NLRP11: variants seen among roughly 807,000 people sequenced by gnomAD.
NLRP11 encodes NLR family pyrin domain containing 11.
Under a neutral mutation model 79.3 loss-of-function variants are expected in NLRP11, and 53 were observed. The observed-to-expected ratio is 0.67, with a 90% CI of 0.54 to 0.84. The LOEUF (loss-of-function observed/expected upper bound fraction) is 0.84, where lower values mean the gene tolerates loss of function less well. NLRP11 is among the 40% of genes least tolerant of loss of function. The probability of loss-of-function intolerance (pLI) is 0.00; values close to 1 mark genes in which losing one functional copy is unlikely to be tolerated. For synonymous variants in NLRP11, 518 were observed against 462.6 expected, an observed-to-expected ratio of 1.12 and a Z score of -1.54; for missense variants, 1,264 against 1,255.0, an observed-to-expected ratio of 1.01 and a Z score of -0.11.
intron 1 of NLRP11, among the ~76,000 whole-genome samples, chr19:55,828,538 G>T (rs1471416280): frequency 6.6e-6 from 1 of 152,172 alleles, no homozygotes; most frequent in Non-Finnish European, 1.5e-5. Flanking sequence ...GCTGCTATGT[G>T]TGCACATGTG....
intron 1 of NLRP11, among the ~76,000 whole-genome samples, chr19:55,829,658 C>CAAA (rs543036205): frequency 2.7e-5 from 2 of 73,158 alleles, no homozygotes; most frequent in East Asian, 4.3e-4. Flanking sequence ...GACTCCGTCT[C>CAAA]AAAAAAAAAA....
At chr19:55,817,072 T>C (rs1981190340) in intron 2 of NLRP11, among the ~76,000 whole-genome samples, 1 of 151,678 alleles carries the variant, frequency 6.6e-6, no homozygotes, top group Admixed American at 6.6e-5. Flanking sequence ...AAAAAATGAA[T>C]ATGAAAAAAA....
At chr19:55,801,208 G>A (rs1204357590) in intron 5 of NLRP11, 1 of 170,612 alleles carries the variant, frequency 5.9e-6, no homozygotes, top group Non-Finnish European at 1.2e-5. Flanking sequence ...AGTTTCACTT[G>A]CTTCCTTTTA....
intron 4 of NLRP11, among the ~76,000 whole-genome samples, chr19:55,804,107 T>C (rs2122785811): frequency 6.8e-6 from 1 of 148,010 alleles, no homozygotes; most frequent in East Asian, 2.0e-4. Flanking sequence ...TATATATATA[T>C]ATGTGTGTGT....
chr19:55,820,447 T>C (rs1466923343), intron 1 of NLRP11, among the ~76,000 whole-genome samples: 2 of 151,876 alleles, frequency 1.3e-5, no homozygotes, highest in South Asian at 2.1e-4. Flanking sequence ...AATGAGAAGG[T>C]TAACTAGAAA....
At chr19:55,795,421 T>C (rs745435398) in intron 6 of NLRP11, among the ~76,000 whole-genome samples, 1 of 152,196 alleles carries the variant, frequency 6.6e-6, no homozygotes, top group Non-Finnish European at 1.5e-5. Context: ...ACAATATAGG[T>C]TCCCTGCTCT....
At chr19:55,819,803 A>C (rs1981505089) in intron 1 of NLRP11, among the ~76,000 whole-genome samples, 1 of 152,192 alleles carries the variant, frequency 6.6e-6, no homozygotes, top group Non-Finnish European at 1.5e-5. Flanking sequence ...AGCTGATAAG[A>C]TGCACCAAAT....
At chr19:55,821,249 AC>A (rs72006711) in intron 1 of NLRP11, among the ~76,000 whole-genome samples, 7,672 of 124,352 alleles carry the variant, frequency 0.062, 284 homozygotes, top group East Asian at 0.17. Context: ...ACACACACAC[AC>A]CCCAAGCACT....
At chr19:55,834,610 C>T (rs1345992152), upstream of NLRP11, among the ~76,000 whole-genome samples, 1 of 152,148 alleles carries the variant, frequency 6.6e-6, no homozygotes, top group Non-Finnish European at 1.5e-5. Context: ...TCAGTCATTC[C>T]ACTCAGGTAA....
chr19:55,821,250 C>CCCA lies in NLRP11; in HGVS notation c.-62-3015_-62-3014insTGG, dbSNP rs1555804225. Among the ~76,000 whole-genome samples the CCCA allele has an allele frequency of 9.8e-3, 1,002 of 102,562 alleles. 23 individuals are homozygous for CCCA. Among genetic ancestry groups the CCCA allele is most frequent in the African/African-American group, 0.032 (925 of 28,880 alleles). The allele number at this position is 102,562 out of a possible 152,430, so 67.3% of individuals were successfully genotyped here. A position where few individuals can be genotyped will look rare whatever the true frequency, so the allele number is the denominator to read the frequency against. Reference sequence around the variant, plus strand: ...ACACACACACACACACACACACACACCCCAAGCACTGAGTTTGTAATGATC... The same window carrying CCCA: ...ACACACACACACACACACACACACACCCACCCAAGCACTGAGTTTGTAATGATC... On this transcript the variant is annotated intron_variant, in intron 1 of 9. Coordinates refer to ENST00000589093, the Ensembl canonical transcript of NLRP11.
chr19:55,788,034 T>C (rs1031724743), intron 9 of NLRP11, among the ~76,000 whole-genome samples: 2 of 152,142 alleles, frequency 1.3e-5, no homozygotes, highest in Non-Finnish European at 2.9e-5. Flanking sequence ...GTCCTGACAC[T>C]CACATAGACT....
At chr19:55,792,144 ACCG>A (rs546582226) in intron 7 of NLRP11, among the ~76,000 whole-genome samples, 154 bp downstream of exon 7, 28 of 152,310 alleles carry the variant, frequency 1.8e-4, no homozygotes, top group Admixed American at 1.7e-3. Context: ...AATGAATCTT[ACCG>A]TGCTTTCATG....
Position 55,788,943 on chromosome 19 carries a change from G to A in NLRP11, c.2719C>T (p.Arg907Ter), listed in dbSNP as rs780607386. 4.9e-5 allele frequency: 79 copies of A among 1,613,706 alleles called. No individual in the cohort carries two copies. Among genetic ancestry groups the A allele is most frequent in the Non-Finnish European group, 6.3e-5 (74 of 1,179,984 alleles). The change falls in exon 9 of 10, where the codon CGA (arginine) becomes TGA (stop). Residue 907 changes from arginine (R) to a stop codon, truncating the protein, a stop_gained. Transcript: ENST00000589093. LOFTEE classifies it high-confidence loss of function. ...GTGGTAAGAACAGAGGCAAGAGATCGACAGCAGGCACTGGTTAACATGCAC... is the reference window on the plus strand; with the variant it reads ...GTGGTAAGAACAGAGGCAAGAGATCAACAGCAGGCACTGGTTAACATGCAC...
intron 6 of NLRP11, among the ~76,000 whole-genome samples, chr19:55,794,332 T>C (rs1978590648): frequency 6.6e-6 from 1 of 152,208 alleles, no homozygotes; most frequent in Non-Finnish European, 1.5e-5. Flanking sequence ...AAAAAATATC[T>C]ATTTGGAGTC....
intron 5 of NLRP11, among the ~76,000 whole-genome samples, chr19:55,796,998 A>G (rs1302700740): frequency 1.3e-5 from 2 of 151,798 alleles, no homozygotes; most frequent in African/African-American, 4.8e-5. Flanking sequence ...CTAACTTTCT[A>G]TTCATTACTC....
intron 6 of NLRP11, 30 bp downstream of exon 6, chr19:55,796,050 T>C: frequency 6.3e-7 from 1 of 1,586,298 alleles, no homozygotes; most frequent in South Asian, 1.1e-5. Context: ...TCTGAGCTTC[T>C]ACGTGGTGAG....
In NLRP11 at chr19:55,809,135, A is replaced by AAT; in HGVS notation, c.1474_1475insAT (p.Phe492TyrfsTer9). On this transcript the variant is annotated frameshift_variant, in exon 3 of 10. Transcript: ENST00000589093. LOFTEE classifies it high-confidence loss of function. The surrounding 1 kb of genome is among the most constrained non-coding windows in gnomAD (Gnocchi z 4.5). The stretch of plus-strand genomic sequence containing the variant: ...ATTTAGAAGACCAAAAATGAAAGTA[A>AAT]ACACTTGATTAAAGTCAGAGTATTG... 6.2e-7 allele frequency: 1 copy of AAT among 1,613,922 alleles called. No homozygotes were observed. The highest frequency in any genetic ancestry group is 1.3e-5 in the African/African-American group (1 of 75,008).
chr19:55,796,279 G>A, intron 5 of NLRP11, 29 bp from the exon 6 acceptor site: 2 of 1,580,408 alleles, frequency 1.3e-6, no homozygotes, highest in Non-Finnish European at 1.7e-6. Context: ...AATGAAAAGA[G>A]GCTCCCGCGT....
At chr19:55,801,541 G>T in intron 5 of NLRP11, 31 bp downstream of exon 5, 2 of 1,600,122 alleles carry the variant, frequency 1.2e-6, no homozygotes, top group African/African-American at 1.3e-5. Flanking sequence ...CCCCTCACAT[G>T]CACTGAGCTT....
Sources: allele counts gnomAD v4.1 joint callset (sites outside exome capture counted in the v4.1 genomes callset), GRCh38; gene constraint gnomAD v4.1.1; non-coding constraint Gnocchi (gnomAD v3.1); transcripts MANE v1.5; gene names NCBI Gene and HGNC (gene_info 2026-07-23, HGNC 2026-07-21).